ZC3H4: variants seen among roughly 807,000 people sequenced by gnomAD.
ZC3H4 encodes zinc finger CCCH domain-containing protein 4.
Under a neutral mutation model 108.3 loss-of-function variants are expected in ZC3H4, and 13 were observed. The observed-to-expected ratio is 0.12, with a 90% CI of 0.08 to 0.19. The LOEUF (loss-of-function observed/expected upper bound fraction) is 0.19. Among genes scored for constraint, ZC3H4 ranks in the 10% least tolerant of loss-of-function variants. The pLI is 1.00. For synonymous variants in ZC3H4, 917 were observed against 749.6 expected, an observed-to-expected ratio of 1.22 and a Z score of -3.65; for missense variants, 1,734 against 1,838.8, an observed-to-expected ratio of 0.94 and a Z score of 1.04.
At chr19:47,110,190 T>A (rs947706390) in intron 2 of ZC3H4, among the ~76,000 whole-genome samples, 1 of 151,990 alleles carries the variant, frequency 6.6e-6, no homozygotes. Context: ...AAATTGGAGC[T>A]ACTTGAACCA....
intron 8 of ZC3H4, 70 bp from the exon 9 acceptor site, chr19:47,084,525 A>G: frequency 6.8e-7 from 1 of 1,480,728 alleles, no homozygotes; most frequent in Non-Finnish European, 9.4e-7. Flanking sequence ...GGGGTTAATA[A>G]GAAGCACGGG....
At position 47,072,719 on chromosome 19, in the gene ZC3H4, G is replaced by A; in HGVS notation, c.1441-6C>T. On this transcript the variant is annotated splice_polypyrimidine_tract_variant and splice_region_variant and intron_variant, in intron 11 of 14. Transcript: ENST00000253048. The surrounding 1 kb of genome is among the most constrained non-coding windows in gnomAD (Gnocchi z 5.6). ...TCTGCATCATCGGCCAACATCTGCG[G>A]GTGTGAAAGAACAAAAGAAGGTGTG... 2 of 1,613,338 alleles carry A rather than the reference G, an allele frequency of 1.2e-6. No homozygotes were observed. Among genetic ancestry groups the A allele is most frequent in the Non-Finnish European group, 8.5e-7 (1 of 1,179,982 alleles).
At chr19:47,103,983 G>A (rs186069051) in intron 2 of ZC3H4, among the ~76,000 whole-genome samples, 2 of 151,508 alleles carry the variant, frequency 1.3e-5, no homozygotes, top group Non-Finnish European at 2.9e-5. Context: ...ATAAATAAGA[G>A]ATCTGGGCCT....
Position 47,072,737 on chromosome 19 carries a change from A to C in ZC3H4, c.1441-24T>G, listed in dbSNP as rs756013281. ...ATCTGCGGGTGTGAAAGAACAAAAG[A>C]AGGTGTGGACGGGGTCAGGATGGAA... On this transcript the variant is annotated intron_variant, in intron 11 of 14. Transcript: ENST00000253048. The surrounding 1 kb of genome is among the most constrained non-coding windows in gnomAD (Gnocchi z 5.6). 13 of 1,612,198 alleles carry C rather than the reference A, an allele frequency of 8.1e-6. No homozygotes were observed. The East Asian group carries it at 2.9e-4, about 36-fold the overall frequency.
intron 2 of ZC3H4, among the ~76,000 whole-genome samples, chr19:47,095,179 G>A (rs1035218065): frequency 3.3e-5 from 5 of 152,226 alleles, no homozygotes; most frequent in East Asian, 1.9e-4. Flanking sequence ...GGCTGAGGGC[G>A]GTGGCTGTGC....
At chr19:47,101,732 G>A (rs1255412719) in intron 2 of ZC3H4, among the ~76,000 whole-genome samples, 1 of 151,792 alleles carries the variant, frequency 6.6e-6, no homozygotes, top group Admixed American at 6.6e-5. Context: ...TTAGCTGGGC[G>A]TGGTGGCGCA....
In ZC3H4 at chr19:47,067,965, CT is replaced by C; in HGVS notation, c.2399-97del. On this transcript the variant is annotated intron_variant, in intron 14 of 14. Coordinates refer to ENST00000253048, the MANE Select transcript of ZC3H4 (RefSeq NM_015168.2). This position sits in a 1 kb window ranked among gnomAD's most constrained non-coding sequence, Gnocchi z 6.4. ...CAGCCCACCGTGAGCAGCTCCTTTG[CT>C]TGTGCCTCTCAGAACCTCAGGTCCT... 1 of 1,234,816 alleles carries C rather than the reference CT, an allele frequency of 8.1e-7. No individual in the cohort carries two copies. Among genetic ancestry groups the C allele is most frequent in the Non-Finnish European group, 1.1e-6 (1 of 883,860 alleles). The allele number at this position is 1,234,816 out of a possible 1,614,324, so 76.5% of individuals were successfully genotyped here. A position where few individuals can be genotyped will look rare whatever the true frequency, so the allele number is the denominator to read the frequency against.
intron 2 of ZC3H4, among the ~76,000 whole-genome samples, chr19:47,095,325 C>T (rs186717483): frequency 6.6e-6 from 1 of 152,344 alleles, no homozygotes; most frequent in African/African-American, 2.4e-5. Flanking sequence ...CCGCTGGAAA[C>T]AGGCTCAGAG....
At chr19:47,069,048 A>T in intron 14 of ZC3H4, 44 bp downstream of exon 14, 1 of 1,600,462 alleles carries the variant, frequency 6.2e-7, no homozygotes, top group Non-Finnish European at 8.5e-7. Flanking sequence ...TCCCCTGCAC[A>T]GCGGCCTGGG....
At chr19:47,079,070 C>G (rs975790147) in intron 11 of ZC3H4, among the ~76,000 whole-genome samples, 7 of 148,838 alleles carry the variant, frequency 4.7e-5, no homozygotes, top group Non-Finnish European at 7.4e-5. Context: ...GCTCTTGTTG[C>G]CCAGGCTGGA....
chr19:47,067,439 T>G lies in ZC3H4; in HGVS notation c.2829A>C (p.Pro943=). The G allele has an allele frequency of 6.2e-7, 1 of 1,600,734 alleles. No individual in the cohort carries two copies. Among genetic ancestry groups the G allele is most frequent in the Non-Finnish European group, 8.5e-7 (1 of 1,172,946 alleles). Residue 943 remains proline, a synonymous_variant, in exon 15 of 15, where the codon CCA becomes CCC. Transcript: ENST00000253048. This position sits in a 1 kb window ranked among gnomAD's most constrained non-coding sequence, Gnocchi z 6.4. ...GGTCCCGCAGAGGGTGCCCGGGGAG[T>G]GGGTCCAGGGGAATGTTCACGGCCT... is the stretch of plus-strand genomic sequence containing the variant. ...REKAVNIPLD[P]LPGHPLRDPR...
Position 47,072,583 on chromosome 19 carries a change from G to T in ZC3H4, c.1571C>A (p.Pro524His), listed in dbSNP as rs1186885726. 2 of 1,589,114 alleles carry T rather than the reference G, an allele frequency of 1.3e-6. No homozygotes were observed. Among genetic ancestry groups the T allele is most frequent in the African/African-American group, 1.3e-5 (1 of 74,460 alleles). Residue 524 changes from proline to histidine, a missense_variant, in exon 12 of 15, where the codon CCT (proline) becomes CAT (histidine). Physicochemically the swap from Pro to His is moderately conservative, Grantham distance 77. Coordinates refer to ENST00000253048, the MANE Select transcript of ZC3H4 (RefSeq NM_015168.2). The surrounding 1 kb of genome is among the most constrained non-coding windows in gnomAD (Gnocchi z 5.6). ...VGLLPTPPRP[P>H]GPQAPTSPNG... ...GGGAGAGGTTGGAGCCTGCGGGCCA[G>T]GGGGCCGAGGAGGGGTGGGCAGGAG...
intron 4 of ZC3H4, 92 bp from the exon 5 acceptor site, chr19:47,090,281 G>T: frequency 7.3e-7 from 1 of 1,362,882 alleles, no homozygotes; most frequent in Non-Finnish European, 1.0e-6. Context: ...AAACGAACAT[G>T]TCTGTCTGGG....
intron 13 of ZC3H4, among the ~76,000 whole-genome samples, chr19:47,070,506 C>T (rs932659767): frequency 3.3e-5 from 5 of 152,290 alleles, no homozygotes; most frequent in East Asian, 1.9e-4. Flanking sequence ...ACCAACGTGA[C>T]GGACTTCTGG....
Position 47,064,722 on chromosome 19 carries a change from A to T in ZC3H4, c.*1634T>A, listed in dbSNP as rs1394111280. 9.0e-5 allele frequency: 2 copies of T among 22,172 alleles called. No homozygotes were observed. Among genetic ancestry groups the T allele is most frequent in the African/African-American group, 2.0e-4 (2 of 9,780 alleles). The allele number at this position is 22,172 out of a possible 1,614,324, so 1.4% of individuals were successfully genotyped here. On this transcript the variant is annotated 3_prime_UTR_variant, in exon 15 of 15. Transcript: ENST00000253048. The stretch of plus-strand genomic sequence containing the variant: ...AGACAAATCTCATTAATGATTGTGT[A>T]AAAAAAAAAAAAAAAAAAAAGACAA...
chr19:47,076,192 G>C (rs2057414569), intron 11 of ZC3H4, among the ~76,000 whole-genome samples: 2 of 152,228 alleles, frequency 1.3e-5, no homozygotes, highest in South Asian at 4.1e-4. Flanking sequence ...AACAAACACA[G>C]ATCATCCGCT....
intron 11 of ZC3H4, among the ~76,000 whole-genome samples, chr19:47,077,936 C>T (rs2057452465): frequency 6.6e-6 from 1 of 151,192 alleles, no homozygotes; most frequent in Non-Finnish European, 1.5e-5. Context: ...CAGAAATCTA[C>T]AACCCTCTAA....
intron 5 of ZC3H4, among the ~76,000 whole-genome samples, chr19:47,087,730 C>G (rs919840365): frequency 2.0e-5 from 3 of 151,998 alleles, no homozygotes; most frequent in African/African-American, 7.2e-5. Flanking sequence ...ATAAAAAAGC[C>G]AGGCATGGTG....
intron 11 of ZC3H4, among the ~76,000 whole-genome samples, chr19:47,075,599 CGT>C (rs975418990): frequency 3.9e-5 from 6 of 152,118 alleles, no homozygotes; most frequent in Admixed American, 1.3e-4. Flanking sequence ...CTGATCCCCA[CGT>C]GTGTGTGCGC....
Sources: gnomAD v4.1 joint callset for allele counts (sites outside exome capture counted in the v4.1 genomes callset) on GRCh38, gnomAD v4.1.1 for gene constraint, Gnocchi (gnomAD v3.1) non-coding constraint, MANE v1.5 for transcripts, NCBI Gene and HGNC (gene_info 2026-07-23, HGNC 2026-07-21) for gene names.